PRKAR1B: variants seen among roughly 807,000 people sequenced by gnomAD.
PRKAR1B encodes protein kinase cAMP-dependent type I regulatory subunit beta.
PRKAR1B carries 22 observed loss-of-function variants against 46.5 expected under a neutral mutation model. That is an observed-to-expected ratio of 0.47 (90% CI 0.34 to 0.68). PRKAR1B has a LOEUF of 0.68. PRKAR1B is among the 30% of genes least tolerant of loss of function. PRKAR1B has a pLI of 0.01. For missense variants in PRKAR1B, 445 were observed against 535.6 expected, an observed-to-expected ratio of 0.83 and a Z score of 1.67; for synonymous variants, 259 against 217.7, an observed-to-expected ratio of 1.19 and a Z score of -1.67.
chr7:673,660 AAAAT>A (rs1786416934), intron 4 of PRKAR1B, among the ~76,000 whole-genome samples: 1 of 152,086 alleles, frequency 6.6e-6, no homozygotes, highest in Admixed American at 6.6e-5. Flanking sequence ...AAAAAAAAAA[AAAAT>A]AGTCTTCAGC....
At chr7:565,916 T>C (rs1779097039) in intron 9 of PRKAR1B, among the ~76,000 whole-genome samples, 1 of 152,174 alleles carries the variant, frequency 6.6e-6, no homozygotes, top group African/African-American at 2.4e-5. Flanking sequence ...AGGATGTGGG[T>C]ACCCCCGGAA....
At chr7:612,062 G>T (rs1478969366) in intron 4 of PRKAR1B, among the ~76,000 whole-genome samples, 8 of 151,814 alleles carry the variant, frequency 5.3e-5, no homozygotes, top group African/African-American at 1.7e-4. Flanking sequence ...TGGATGGATG[G>T]ATGGATGGAT....
At chr7:721,002 C>G (rs976734705) in intron 1 of PRKAR1B, among the ~76,000 whole-genome samples, 1 of 152,204 alleles carries the variant, frequency 6.6e-6, no homozygotes, top group Non-Finnish European at 1.5e-5. Flanking sequence ...TTCTCTCATG[C>G]TTTACTGTGG....
intron 9 of PRKAR1B, among the ~76,000 whole-genome samples, chr7:576,368 C>CT (rs1174540461): frequency 1.3e-5 from 2 of 152,362 alleles, no homozygotes; most frequent in East Asian, 3.9e-4. Flanking sequence ...TCCTTCTCTC[C>CT]TTTTAAAGAA....
chr7:577,438 C>T (rs1003765785), intron 9 of PRKAR1B, among the ~76,000 whole-genome samples: 1 of 152,088 alleles, frequency 6.6e-6, no homozygotes, highest in Non-Finnish European at 1.5e-5. Context: ...AGCATGCAAG[C>T]GTGAGATCCT....
At chr7:711,849 C>G (rs934221625) in intron 1 of PRKAR1B, among the ~76,000 whole-genome samples, 13 of 151,988 alleles carry the variant, frequency 8.6e-5, no homozygotes, top group African/African-American at 2.9e-4. Context: ...AGTGGGGGGG[C>G]CCGGCGCCCT....
chr7:647,451 C>T (rs1364126095), intron 4 of PRKAR1B, among the ~76,000 whole-genome samples: 3 of 152,010 alleles, frequency 2.0e-5, no homozygotes, highest in East Asian at 1.9e-4. Flanking sequence ...CCACTCCGTC[C>T]GGTCTTTAAT....
chr7:697,049 G>C (rs527626867), intron 2 of PRKAR1B: 7 of 152,202 alleles, frequency 4.6e-5, no homozygotes, highest in Non-Finnish European at 1.0e-4. Context: ...CAGGACGGTC[G>C]AGGTCGTGGG....
intron 4 of PRKAR1B, among the ~76,000 whole-genome samples, chr7:621,418 T>C (rs927382310): frequency 2.6e-5 from 4 of 152,254 alleles, no homozygotes; most frequent in Non-Finnish European, 2.9e-5. Context: ...ATTGTTGGCT[T>C]TCCTTTGAAA....
At position 606,173 on chromosome 7, in the gene PRKAR1B, G is replaced by A. The variant is rs748488595; in HGVS notation, c.549+20C>T. The A allele has an allele frequency of 3.1e-6, 5 of 1,613,312 alleles. No individual in the cohort carries two copies. Among genetic ancestry groups the A allele is most frequent in the South Asian group, 1.1e-5 (1 of 90,988 alleles). On this transcript the variant is annotated intron_variant, in intron 6 of 10. Coordinates refer to ENST00000537384, the MANE Select transcript of PRKAR1B (RefSeq NM_001164760.2). ...ATGCAAAGACGCGCTATTTTCCAAA[G>A]ACAAGTTAGCGACACTCACATCCAC...
intron 9 of PRKAR1B, among the ~76,000 whole-genome samples, chr7:567,571 T>C (rs935484080): frequency 1.3e-5 from 2 of 151,682 alleles, no homozygotes; most frequent in African/African-American, 4.8e-5. Context: ...TTCATCACCA[T>C]CACCGCCATC....
chr7:600,621 C>A (rs1038310816), intron 6 of PRKAR1B, among the ~76,000 whole-genome samples: 21 of 134,162 alleles, frequency 1.6e-4, no homozygotes, highest in East Asian at 5.9e-4. Flanking sequence ...TGCTCCCCAG[C>A]CCCCCAGAAA....
chr7:711,396 T>C lies in PRKAR1B; in HGVS notation c.110A>G (p.His37Arg). ...IQQVLKDCIV[H>R]LCISKPERPM... ...GCGTTCGGGCTTGGAGATGCAGAGG[T>C]GGACGATACAGTCTTTGAGGACCTG... The change falls in exon 2 of 11, where the codon CAC becomes CGC. Residue 37 changes from histidine (H) to arginine (R), a missense_variant. By Grantham distance (29) the His-to-Arg change is conservative. Coordinates refer to ENST00000537384, the MANE Select transcript of PRKAR1B (RefSeq NM_001164760.2). The C allele has an allele frequency of 6.2e-7, 1 of 1,614,150 alleles. No homozygotes were observed. The highest frequency in any genetic ancestry group is 8.5e-7 in the Non-Finnish European group (1 of 1,180,008).
chr7:574,540 G>A (rs947455444), intron 9 of PRKAR1B, among the ~76,000 whole-genome samples: 5 of 152,128 alleles, frequency 3.3e-5, no homozygotes, highest in African/African-American at 9.7e-5. Context: ...TGCCTCCTGG[G>A]TTCAAGTGAT....
At chr7:723,873 G>A (rs1253687598) in intron 1 of PRKAR1B, among the ~76,000 whole-genome samples, 2 of 152,220 alleles carry the variant, frequency 1.3e-5, no homozygotes, top group Non-Finnish European at 2.9e-5. Flanking sequence ...CTGGGCAGCT[G>A]AATGAAACAA....
intron 2 of PRKAR1B, chr7:691,610 G>A (rs987841957): frequency 4.6e-6 from 6 of 1,303,806 alleles, no homozygotes; most frequent in Admixed American, 2.3e-5. Flanking sequence ...TGAGGTGGAC[G>A]CCCTGCCGTG....
chr7:626,095 A>G (rs1162197235), intron 4 of PRKAR1B, among the ~76,000 whole-genome samples: 1 of 152,206 alleles, frequency 6.6e-6, no homozygotes. Context: ...TCCTTGAAAT[A>G]CACAATCTAC....
intron 7 of PRKAR1B, among the ~76,000 whole-genome samples, chr7:586,159 A>C (rs1265804508): frequency 6.6e-6 from 1 of 151,804 alleles, no homozygotes; most frequent in East Asian, 1.9e-4. Context: ...CAACACACCC[A>C]CCCTAGACAG....
chr7:650,281 G>A (rs1334552951), intron 4 of PRKAR1B, among the ~76,000 whole-genome samples: 1 of 152,304 alleles, frequency 6.6e-6, no homozygotes, highest in East Asian at 1.9e-4. Flanking sequence ...TGTGGACCCT[G>A]TCTGAGGGAC....
Sources: allele counts gnomAD v4.1 joint callset (sites outside exome capture counted in the v4.1 genomes callset), GRCh38; gene constraint gnomAD v4.1.1; transcripts MANE v1.5; gene names NCBI Gene and HGNC (gene_info 2026-07-23, HGNC 2026-07-21).